The following DTNB variants were observed in gnomAD, a reference collection of about 807,000 sequenced individuals.
DTNB encodes the protein DTN-B.
In DTNB, 63 loss-of-function variants were observed where a neutral mutation model predicts 90.7. That is an observed-to-expected ratio of 0.69 (90% CI 0.57 to 0.86). The LOEUF (loss-of-function observed/expected upper bound fraction) is 0.86. Among genes scored for constraint, DTNB ranks in the 40% least tolerant of loss-of-function variants. The pLI is 0.00. For missense variants in DTNB, 744 were observed against 807.1 expected (o/e 0.92, Z 0.95); for synonymous variants, 277 against 286.7 (o/e 0.97, Z 0.34).
At chr2:25,633,782 G>A (rs2076340929) in intron 3 of DTNB, among the ~76,000 whole-genome samples, 1 of 151,634 alleles carries the variant, frequency 6.6e-6, no homozygotes, top group Admixed American at 6.6e-5. Flanking sequence ...TCTCTGCCCG[G>A]CCGCTCATCG....
chr2:25,420,046 C>T (rs982329424), intron 15 of DTNB, among the ~76,000 whole-genome samples: 1 of 151,934 alleles, frequency 6.6e-6, no homozygotes, highest in African/African-American at 2.4e-5. Flanking sequence ...AACTTTGTGC[C>T]TCACCCTATC....
chr2:25,623,859 C>T (rs2073443439), intron 4 of DTNB, among the ~76,000 whole-genome samples: 1 of 152,076 alleles, frequency 6.6e-6, no homozygotes, highest in Non-Finnish European at 1.5e-5. Flanking sequence ...TAAGTGTAAA[C>T]CAAAAATAAA....
intron 3 of DTNB, among the ~76,000 whole-genome samples, chr2:25,636,594 A>C (rs2077172467): frequency 6.6e-6 from 1 of 152,172 alleles, no homozygotes; most frequent in East Asian, 1.9e-4. Flanking sequence ...ACATATACAC[A>C]CAAACACATA....
intron 2 of DTNB, among the ~76,000 whole-genome samples, chr2:25,642,542 C>G (rs970898847): frequency 2.0e-5 from 3 of 151,950 alleles, no homozygotes; most frequent in Non-Finnish European, 4.4e-5. Flanking sequence ...TCCTGAGTAG[C>G]TGGGACCACA....
intron 15 of DTNB, among the ~76,000 whole-genome samples, chr2:25,420,467 AATCT>A (rs70947889): frequency 0.073 from 10,635 of 145,460 alleles, 493 homozygotes; most frequent in East Asian, 0.14. Flanking sequence ...CATCTAAATC[AATCT>A]ATCTATCTAT....
intron 1 of DTNB, among the ~76,000 whole-genome samples, chr2:25,665,902 A>G (rs1189474220): frequency 6.6e-6 from 1 of 152,204 alleles, no homozygotes; most frequent in Non-Finnish European, 1.5e-5. Flanking sequence ...CCACTACAAC[A>G]AAGAGTTCTG....
chr2:25,475,012 A>G (rs2063495680), intron 10 of DTNB, among the ~76,000 whole-genome samples: 1 of 152,174 alleles, frequency 6.6e-6, no homozygotes, highest in Non-Finnish European at 1.5e-5. Context: ...AGGCCTCCCT[A>G]TTCCCTAAGA....
At chr2:25,634,665 T>A (rs1318397441) in intron 3 of DTNB, among the ~76,000 whole-genome samples, 1 of 116,042 alleles carries the variant, frequency 8.6e-6, no homozygotes, top group Non-Finnish European at 2.0e-5. Context: ...GCCGTGTCTG[T>A]GTAGAAAGAG....
chr2:25,539,617 T>C (rs1410767376), intron 8 of DTNB, among the ~76,000 whole-genome samples: 2 of 151,872 alleles, frequency 1.3e-5, no homozygotes, highest in East Asian at 3.9e-4. Context: ...AAGAGTTCTT[T>C]ATACTTTTTG....
intron 15 of DTNB, among the ~76,000 whole-genome samples, chr2:25,422,027 A>G (rs1449661515): frequency 6.6e-6 from 1 of 152,220 alleles, no homozygotes. Flanking sequence ...ACTTATTCAG[A>G]TAAAGCCCTT....
chr2:25,506,160 G>A (rs1376203199), intron 9 of DTNB, among the ~76,000 whole-genome samples: 1 of 152,156 alleles, frequency 6.6e-6, no homozygotes, highest in East Asian at 1.9e-4. Flanking sequence ...GGGGAAGGAT[G>A]AAGAGAGGTT....
At chr2:25,531,714 G>A in intron 8 of DTNB, 117 bp from the exon 9 acceptor site, 1 of 1,351,574 alleles carries the variant, frequency 7.4e-7, no homozygotes. Flanking sequence ...TACAAATCAA[G>A]TTTCATTACA....
At chr2:25,444,114 G>GA (rs540415097) in intron 12 of DTNB, among the ~76,000 whole-genome samples, 24 of 151,536 alleles carry the variant, frequency 1.6e-4, no homozygotes, top group Admixed American at 4.6e-4. Flanking sequence ...TTTTATAAGG[G>GA]AAAAAAAACC....
At chr2:25,502,563 G>A (rs185820327) in intron 9 of DTNB, among the ~76,000 whole-genome samples, 1 of 151,894 alleles carries the variant, frequency 6.6e-6, no homozygotes, top group Admixed American at 6.6e-5. Context: ...GCAACATGGC[G>A]AAACCCCATC....
At chr2:25,532,506 T>C (rs992008422) in intron 8 of DTNB, among the ~76,000 whole-genome samples, 9 of 152,156 alleles carry the variant, frequency 5.9e-5, no homozygotes, top group Non-Finnish European at 1.3e-4. Context: ...GGCATACCAA[T>C]ACATTCTTCT....
chr2:25,593,596 C>T (rs2063979515), intron 6 of DTNB, among the ~76,000 whole-genome samples: 1 of 151,794 alleles, frequency 6.6e-6, no homozygotes, highest in Admixed American at 6.6e-5. Context: ...TTTTTTTTTA[C>T]AGGAATATGA....
chr2:25,575,799 CAACA>C (rs1013540538), intron 8 of DTNB, among the ~76,000 whole-genome samples: 12 of 152,198 alleles, frequency 7.9e-5, no homozygotes, highest in African/African-American at 2.6e-4. Flanking sequence ...AACCACCAAC[CAACA>C]AACAAAAACT....
At chr2:25,472,668 G>A in intron 10 of DTNB, among the ~76,000 whole-genome samples, 1 of 152,168 alleles carries the variant, frequency 6.6e-6, no homozygotes, top group East Asian at 1.9e-4. Context: ...TAGATCACCT[G>A]AGGTCAGGAG....
chr2:25,383,671 G>C, intron 19 of DTNB, 165 bp downstream of exon 19: 1 of 1,463,092 alleles, frequency 6.8e-7, no homozygotes, highest in East Asian at 2.3e-5. Flanking sequence ...TCACCTGGAA[G>C]GTAAAACCTG....
Sources: gnomAD v4.1 joint callset for allele counts (sites outside exome capture counted in the v4.1 genomes callset) on GRCh38, gnomAD v4.1.1 for gene constraint, MANE v1.5 for transcripts, NCBI Gene and HGNC (gene_info 2026-07-23, HGNC 2026-07-21) for gene names.